The following CHRNB4 variants were observed in gnomAD, a reference collection of about 807,000 sequenced individuals.
CHRNB4 encodes the protein cholinergic receptor nicotinic beta 4 subunit.
A neutral mutation model predicts 40.4 loss-of-function variants in CHRNB4; 23 were observed. The ratio of observed to expected loss-of-function variants is 0.57; its 90% confidence interval spans 0.41 to 0.81. The LOEUF is 0.81. Ranked by LOEUF, CHRNB4 falls within the 30% of genes least tolerant of loss-of-function variation. CHRNB4 has a pLI of 0.00. For synonymous variants in CHRNB4, 285 were observed against 274.4 expected (o/e 1.04, Z -0.38); for missense variants, 568 against 670.6 (o/e 0.85, Z 1.69).
chr15:78,651,460 C>T (rs2054171116), intron 6 of CHRNB4, among the ~76,000 whole-genome samples: 1 of 152,182 alleles, frequency 6.6e-6, no homozygotes, highest in African/African-American at 2.4e-5. Context: ...TGTGCAGATC[C>T]ACAGATGTGG....
chr15:78,657,842 G>A (rs912700895), intron 2 of CHRNB4, among the ~76,000 whole-genome samples: 19 of 119,482 alleles, frequency 1.6e-4, no homozygotes, highest in African/African-American at 4.4e-4. Context: ...CTGAGCCACC[G>A]CGCCTGGCTG....
upstream of CHRNB4, chr15:78,661,096 C>T (rs1445383635): frequency 3.3e-6 from 2 of 606,870 alleles, no homozygotes; most frequent in Non-Finnish European, 3.2e-6. Flanking sequence ...GAACTTCCGG[C>T]CCTTGGAGCG....
chr15:78,635,456 C>T lies in CHRNB4; in HGVS notation c.187G>A (p.Ala63Thr). 1 of 1,613,988 alleles carries T rather than the reference C, an allele frequency of 6.2e-7. No homozygotes were observed. Among genetic ancestry groups the T allele is most frequent in the East Asian group, 2.2e-5 (1 of 44,880 alleles). Residue 63 changes from alanine (A) to threonine (T), a missense_variant, in exon 2 of 6, where the codon GCC becomes ACC. Physicochemically the swap from Ala to Thr is moderately conservative, Grantham distance 58. Around this residue, in one of 4 missense-constraint regions of CHRNB4, gnomAD observed 161 missense variants for 148.1 expected, o/e 1.09. Transcript: ENST00000261751. ...LISIKLQLSL[A>T]QLISVNEREQ... ...GCACCTACCACGCTGATAAGCTGGGCCAGGGAGAGCTGCAGCTTGATGGAG... is the reference window on the plus strand; with the variant it reads ...GCACCTACCACGCTGATAAGCTGGGTCAGGGAGAGCTGCAGCTTGATGGAG...
At position 78,629,504 on chromosome 15, in the gene CHRNB4, GCA is replaced by G. The variant is rs1210073271; in HGVS notation, c.799_800del (p.Cys267HisfsTer174). ...ATGTCAGTGCCAGCAGCACTGAGAT[GCA>G]CAGTGTCATCTTCTCGCCGCAGTCG... ...PSDCGEKMTLCISVLLALTFF... is the reference protein window; with the variant it reads ...PSDCGEKMTLXISVLLALTFF... On this transcript the variant is annotated frameshift_variant, in exon 5 of 6. Coordinates refer to ENST00000261751, the MANE Select transcript of CHRNB4 (RefSeq NM_000750.5). LOFTEE classifies it high-confidence loss of function. This position sits in a 1 kb window ranked among gnomAD's most constrained non-coding sequence, Gnocchi z 6.8. 2 of 1,614,200 alleles carry G rather than the reference GCA, an allele frequency of 1.2e-6. No individual in the cohort carries two copies. Among genetic ancestry groups the G allele is most frequent in the Non-Finnish European group, 1.7e-6 (2 of 1,180,034 alleles).
upstream of CHRNB4, chr15:78,661,583 T>C: frequency 1.9e-6 from 1 of 521,634 alleles, no homozygotes; most frequent in Non-Finnish European, 3.8e-6. Flanking sequence ...TTTTTGGTCC[T>C]TGTTGGGGCG....
intron 5 of CHRNB4, chr15:78,655,437 T>C (rs968847325): frequency 1.4e-5 from 2 of 145,610 alleles, no homozygotes; most frequent in Non-Finnish European, 3.0e-5. Flanking sequence ...TATATCTATA[T>C]ATATCTATAT....
At chr15:78,650,917 G>A (rs1451212522) in intron 6 of CHRNB4, among the ~76,000 whole-genome samples, 1 of 152,194 alleles carries the variant, frequency 6.6e-6, no homozygotes, top group South Asian at 2.1e-4. Context: ...GGTTTGTTTC[G>A]TGCAAGTGTA....
intron 1 of CHRNB4, among the ~76,000 whole-genome samples, chr15:78,660,205 T>TCA (rs2054240705): frequency 2.0e-5 from 1 of 50,718 alleles, no homozygotes; most frequent in Non-Finnish European, 6.0e-5. Flanking sequence ...AGACTCCGTC[T>TCA]TAAAAAAAAA....
chr15:78,630,498 G>A (rs375761550), intron 4 of CHRNB4, among the ~76,000 whole-genome samples: 2 of 152,178 alleles, frequency 1.3e-5, no homozygotes, highest in African/African-American at 2.4e-5. Context: ...GTAGTCCAGT[G>A]AGGCAGGTTT....
At chr15:78,643,401 C>CA (rs1359023379), upstream of CHRNB4, among the ~76,000 whole-genome samples, 6 of 151,844 alleles carry the variant, frequency 4.0e-5, no homozygotes, top group African/African-American at 1.5e-4. Flanking sequence ...AGGCATGCAA[C>CA]ACCATGCCTG....
rs1485629779 is a variant in CHRNB4, at chr15:78,629,776, C to A, written c.529G>T (p.Asp177Tyr). 2 of 1,614,060 alleles carry A rather than the reference C, an allele frequency of 1.2e-6. No individual in the cohort carries two copies. Among genetic ancestry groups the A allele is most frequent in the South Asian group, 1.1e-5 (1 of 91,074 alleles). Residue 177 changes from aspartate to tyrosine, a missense_variant, in exon 5 of 6, where the codon GAC (aspartate) becomes TAC (tyrosine). Transcript: ENST00000261751. The surrounding 1 kb of genome is among the most constrained non-coding windows in gnomAD (Gnocchi z 6.8). ...CTLKFRSWTY[D>Y]HTEIDMVLMT... The stretch of plus-strand genomic sequence containing the variant: ...AGGACCATGTCTATCTCCGTGTGGT[C>A]ATAGGTCCAGGAGCGGAACTTGAGG...
chr15:78,628,430 C>T (rs78319611), intron 5 of CHRNB4, among the ~76,000 whole-genome samples: 1,965 of 152,312 alleles, frequency 0.013, 49 homozygotes, highest in African/African-American at 0.043. Flanking sequence ...TCAGGGCTTT[C>T]TCCAGCACCA....
At chr15:78,657,742 CAG>C (rs1324283113) in intron 2 of CHRNB4, among the ~76,000 whole-genome samples, 10 of 151,918 alleles carry the variant, frequency 6.6e-5, no homozygotes, top group African/African-American at 2.4e-4. Flanking sequence ...TTAGTAGAGA[CAG>C]GGTTTCACTG....
Position 78,624,244 on chromosome 15 carries a change from T to C in CHRNB4, c.*889A>G, listed in dbSNP as rs1390690228. On this transcript the variant is annotated 3_prime_UTR_variant, in exon 6 of 6. Transcript: ENST00000261751. ...CACACTCTAGTGGGTGAGCTGTGGATGACATACATGCCACCAGATAAGAGC... is the reference window on the plus strand; with the variant it reads ...CACACTCTAGTGGGTGAGCTGTGGACGACATACATGCCACCAGATAAGAGC... 1.3e-5 allele frequency: 2 copies of C among 152,264 alleles called. No individual in the cohort carries two copies. The highest frequency in any genetic ancestry group is 4.8e-5 in the African/African-American group (2 of 41,426). The allele number at this position is 152,264 out of a possible 1,614,324, so 9.4% of individuals were successfully genotyped here.
chr15:78,632,324 T>C (rs2053850535), intron 2 of CHRNB4, among the ~76,000 whole-genome samples: 1 of 151,672 alleles, frequency 6.6e-6, no homozygotes, highest in African/African-American at 2.4e-5. Flanking sequence ...TGTGTATTTC[T>C]TGAGACAGGG....
chr15:78,644,934 AT>A (rs1386601040), upstream of CHRNB4, among the ~76,000 whole-genome samples: 1 of 152,176 alleles, frequency 6.6e-6, no homozygotes, highest in Non-Finnish European at 1.5e-5. Context: ...CCCTCAGTGT[AT>A]TCATCATGCC....
intron 5 of CHRNB4, among the ~76,000 whole-genome samples, chr15:78,628,485 G>C (rs1406149185): frequency 1.3e-5 from 2 of 152,230 alleles, no homozygotes; most frequent in Admixed American, 6.5e-5. Context: ...AAGCACAGGA[G>C]AGTTAAAGTC....
At chr15:78,651,904 C>A (rs1429094692) in intron 6 of CHRNB4, among the ~76,000 whole-genome samples, 2 of 152,234 alleles carry the variant, frequency 1.3e-5, no homozygotes, top group East Asian at 3.8e-4. Flanking sequence ...CCCAAAAGGG[C>A]TGCAGGGACA....
chr15:78,649,762 T>C (rs2054156194), intron 6 of CHRNB4, among the ~76,000 whole-genome samples: 1 of 151,366 alleles, frequency 6.6e-6, no homozygotes, highest in Admixed American at 6.6e-5. Context: ...ATTGCACGAG[T>C]GATAAACTCT....
Sources: gnomAD v4.1 joint callset for allele counts (sites outside exome capture counted in the v4.1 genomes callset) on GRCh38, gnomAD v4.1.1 for gene constraint, gnomAD v4.1.1 regional missense constraint, Gnocchi (gnomAD v3.1) non-coding constraint, MANE v1.5 for transcripts, NCBI Gene and HGNC (gene_info 2026-07-23, HGNC 2026-07-21) for gene names.